CBX5: variants seen among roughly 807,000 people sequenced by gnomAD.
The protein encoded by CBX5 is chromobox 5, also known as chromobox protein homolog 5.
CBX5 carries 7 observed loss-of-function variants against 20.7 expected under a neutral mutation model. That is an observed-to-expected ratio of 0.34 (90% CI 0.19 to 0.63). CBX5 has a LOEUF of 0.63. Ranked by LOEUF, CBX5 falls within the 30% of genes least tolerant of loss-of-function variation. The pLI, the probability that CBX5 is intolerant of heterozygous loss-of-function variation, is 0.75. For synonymous variants in CBX5, 78 were observed against 77.0 expected (o/e 1.01, Z -0.07); for missense variants, 110 against 224.1 (o/e 0.49, Z 3.25).
chr12:54,254,631 T>TC (rs1435487642), intron 2 of CBX5, among the ~76,000 whole-genome samples: 1 of 151,968 alleles, frequency 6.6e-6, no homozygotes, highest in East Asian at 1.9e-4. Context: ...AGCAGGTGGA[T>TC]CACCTGAGGT....
chr12:54,250,988 G>C (rs1433148840), intron 3 of CBX5, among the ~76,000 whole-genome samples: 8 of 151,574 alleles, frequency 5.3e-5, no homozygotes, highest in Non-Finnish European at 8.8e-5. Context: ...AAAATTAGCT[G>C]GGCATGGTGG....
At chr12:54,268,472 G>C (rs1943978340) in intron 1 of CBX5, among the ~76,000 whole-genome samples, 1 of 152,200 alleles carries the variant, frequency 6.6e-6, no homozygotes, top group Admixed American at 6.5e-5. Flanking sequence ...CTTCAAGTGA[G>C]TGTTTTGATG....
chr12:54,255,298 G>A (rs1329228097), intron 2 of CBX5, among the ~76,000 whole-genome samples: 2 of 151,968 alleles, frequency 1.3e-5, no homozygotes, highest in Admixed American at 6.6e-5. Context: ...GGTGGCTCAC[G>A]CCTGTAATCC....
At chr12:54,272,800 G>C (rs1412087228) in intron 1 of CBX5, 2 of 152,094 alleles carry the variant, frequency 1.3e-5, no homozygotes, top group African/African-American at 4.8e-5. Flanking sequence ...GATGACTTAG[G>C]AATCACTTCA....
rs1270255013 is a variant in CBX5, at chr12:54,253,130, A to G, written c.138-903T>C. On this transcript the variant is annotated intron_variant, in intron 2 of 4. Coordinates refer to ENST00000209875, the MANE Select transcript of CBX5 (RefSeq NM_012117.3). The stretch of plus-strand genomic sequence containing the variant: ...TAGTGGTGGTTGCATAGCTCTATAA[A>G]TTTATTCCAAATCATTTAATTGGAG... Among the ~76,000 whole-genome samples the G allele has an allele frequency of 2.0e-5, 3 of 152,184 alleles. No individual in the cohort carries two copies. The East Asian group carries it at 5.8e-4, about 29-fold the overall frequency.
At chr12:54,276,424 A>G (rs1271343661) in intron 1 of CBX5, among the ~76,000 whole-genome samples, 1 of 152,220 alleles carries the variant, frequency 6.6e-6, no homozygotes, top group Non-Finnish European at 1.5e-5. Flanking sequence ...ATCTCATGTA[A>G]TTGGTTGATT....
At chr12:54,266,469 A>C (rs1308916000) in intron 1 of CBX5, among the ~76,000 whole-genome samples, 1 of 152,200 alleles carries the variant, frequency 6.6e-6, no homozygotes. Flanking sequence ...TACACCTATA[A>C]TCCCAACAAT....
chr12:54,243,456 G>A (rs190851618), intron 4 of CBX5, among the ~76,000 whole-genome samples: 19 of 152,284 alleles, frequency 1.2e-4, no homozygotes, highest in Admixed American at 5.2e-4. Flanking sequence ...AGCTACTCAG[G>A]AGACTGAGGT....
chr12:54,257,700 G>C lies in CBX5; in HGVS notation c.-42-8C>G. ...ACTAAGGCCACCAGGTCCCTGCAAA[G>C]GCAAAGGACAAAATGGTTAGAATCC... is the stretch of plus-strand genomic sequence containing the variant. On this transcript the variant is annotated splice_polypyrimidine_tract_variant and splice_region_variant and intron_variant, in intron 1 of 4. Transcript: ENST00000209875. 1 of 1,608,748 alleles carries C rather than the reference G, an allele frequency of 6.2e-7. No individual in the cohort carries two copies. Among genetic ancestry groups the C allele is most frequent in the African/African-American group, 1.3e-5 (1 of 74,792 alleles).
chr12:54,267,130 T>G (rs905451928), intron 1 of CBX5, among the ~76,000 whole-genome samples: 32 of 152,298 alleles, frequency 2.1e-4, no homozygotes, highest in African/African-American at 7.2e-4. Flanking sequence ...TTAAGTGTAA[T>G]GAAACATGAA....
chr12:54,250,781 C>T (rs1327041797), intron 3 of CBX5, among the ~76,000 whole-genome samples: 3 of 113,004 alleles, frequency 2.7e-5, no homozygotes, highest in African/African-American at 1.1e-4. Context: ...GTCCGCAGTC[C>T]GGCCTGTGCG....
At chr12:54,275,686 G>C (rs77965125) in intron 1 of CBX5, among the ~76,000 whole-genome samples, 1 of 151,948 alleles carries the variant, frequency 6.6e-6, no homozygotes, top group Non-Finnish European at 1.5e-5. Flanking sequence ...CACCACCAGA[G>C]AGAAAAGTTC....
intron 1 of CBX5, chr12:54,274,365 A>G (rs972680749): frequency 1.3e-5 from 2 of 152,202 alleles, no homozygotes; most frequent in Admixed American, 1.3e-4. Flanking sequence ...AGAAAAATAA[A>G]AGTTTATATC....
chr12:54,252,229 TG>T lies in CBX5; in HGVS notation c.138-3del. ...TCAGGTTCCCAAGTATTGTGCTCCC[TG>T]GGTAAGAAAAATGGGAAAATTAAAA... On this transcript the variant is annotated splice_polypyrimidine_tract_variant and splice_region_variant and intron_variant, in intron 2 of 4. Transcript: ENST00000209875. 1 of 1,504,440 alleles carries T rather than the reference TG, an allele frequency of 6.6e-7. No homozygotes were observed. Among genetic ancestry groups the T allele is most frequent in the African/African-American group, 1.4e-5 (1 of 69,062 alleles). 93.2% of individuals were successfully genotyped at this position (1,504,440 alleles called of 1,614,324 possible).
At chr12:54,264,730 C>T (rs1943942709) in intron 1 of CBX5, among the ~76,000 whole-genome samples, 1 of 151,978 alleles carries the variant, frequency 6.6e-6, no homozygotes, top group Admixed American at 6.6e-5. Flanking sequence ...GTAATCCCAG[C>T]TACTGGGGAG....
chr12:54,254,422 C>T (rs995688202), intron 2 of CBX5, among the ~76,000 whole-genome samples: 7 of 150,594 alleles, frequency 4.6e-5, no homozygotes, highest in African/African-American at 1.2e-4. Flanking sequence ...AGCAGAAAGA[C>T]GGAAAAATCT....
Position 54,252,098 on chromosome 12 carries a change from C to A in CBX5, c.267G>T (p.Lys89Asn). 6.2e-7 allele frequency: 1 copy of A among 1,611,942 alleles called. No individual in the cohort carries two copies. Among genetic ancestry groups the A allele is most frequent in the Non-Finnish European group, 8.5e-7 (1 of 1,179,338 alleles). ...CACTGTTTGAGAAATTGGATTTCCT[C>A]TTGTTACTTTCTGACTTCTCCCTGG... ...NKPREKSESNKRKSNFSNSAD... is the reference protein window; with the variant it reads ...NKPREKSESNNRKSNFSNSAD... The change falls in exon 3 of 5, where the codon AAG (lysine) becomes AAT (asparagine). Residue 89 changes from lysine (K) to asparagine (N), a missense_variant. Lys to Asn is a moderately conservative substitution (Grantham distance 94). Transcript: ENST00000209875.
chr12:54,272,517 C>T (rs1281697835), intron 1 of CBX5: 3 of 152,174 alleles, frequency 2.0e-5, no homozygotes, highest in African/African-American at 7.2e-5. Flanking sequence ...GCTACACAGT[C>T]TATAGTCTCA....
intron 1 of CBX5, among the ~76,000 whole-genome samples, chr12:54,270,463 A>G (rs1943998921): frequency 6.6e-6 from 1 of 152,046 alleles, no homozygotes; most frequent in African/African-American, 2.4e-5. Flanking sequence ...TCTAGAGACT[A>G]GGTCTCACTA....
Sources: gnomAD v4.1 joint callset for allele counts (sites outside exome capture counted in the v4.1 genomes callset) on GRCh38, gnomAD v4.1.1 for gene constraint, MANE v1.5 for transcripts, NCBI Gene and HGNC (gene_info 2026-07-23, HGNC 2026-07-21) for gene names.